The following KCTD16 variants were observed in gnomAD, a reference collection of about 807,000 sequenced individuals.
The protein encoded by KCTD16 is potassium channel tetramerization domain containing 16, also known as BTB/POZ domain-containing protein KCTD16.
A neutral mutation model predicts 33.2 loss-of-function variants in KCTD16; 13 were observed. That is an observed-to-expected ratio of 0.39 (90% CI 0.25 to 0.62). The LOEUF (loss-of-function observed/expected upper bound fraction) is 0.62. KCTD16 is among the 20% of genes least tolerant of loss of function. The pLI is 0.50. For synonymous variants in KCTD16, 197 were observed against 195.3 expected (o/e 1.01, Z -0.07); for missense variants, 441 against 525.1 (o/e 0.84, Z 1.57).
rs73795537 is a variant in KCTD16, at chr5:144,404,712, G to T, written c.833-68948G>T. ...AGAATTTGGGCTCATGGCATGTTGG[G>T]AGTGTTCTATTATGGATCTGACTGT... On this transcript the variant is annotated intron_variant, in intron 3 of 3. Coordinates refer to ENST00000512467, the MANE Select transcript of KCTD16 (RefSeq NM_020768.4). Among the ~76,000 whole-genome samples the T allele has an allele frequency of 1.5e-3, 235 of 152,266 alleles. 1 individual carries two copies. Among genetic ancestry groups the T allele is most frequent in the African/African-American group, 5.3e-3 (220 of 41,550 alleles).
chr5:144,307,322 T>G lies in KCTD16; in HGVS notation c.832+99776T>G, dbSNP rs541344032. On this transcript the variant is annotated intron_variant, in intron 3 of 3. Coordinates refer to ENST00000512467, the MANE Select transcript of KCTD16 (RefSeq NM_020768.4). ...TTGTAACTCCATTAGAGCAGTGGCC[T>G]CGCTCACAGCAGCATTATCATCATT... Among the ~76,000 whole-genome samples the G allele has an allele frequency of 3.9e-5, 6 of 152,338 alleles. No individual in the cohort carries two copies. The South Asian group carries it at 1.2e-3, about 32-fold the overall frequency.
chr5:144,224,672 A>G (rs1169049510), intron 3 of KCTD16, among the ~76,000 whole-genome samples: 2 of 152,190 alleles, frequency 1.3e-5, no homozygotes, highest in Non-Finnish European at 2.9e-5. Context: ...ACCAGATACA[A>G]TGTAGTCAAA....
intron 3 of KCTD16, among the ~76,000 whole-genome samples, chr5:144,314,497 C>G (rs1375211529): frequency 6.6e-6 from 1 of 151,988 alleles, no homozygotes; most frequent in Admixed American, 6.6e-5. Context: ...GTCAGGTAGC[C>G]CAGTAATAAA....
intron 3 of KCTD16, among the ~76,000 whole-genome samples, chr5:144,421,814 T>C (rs983419114): frequency 1.3e-5 from 2 of 152,016 alleles, no homozygotes; most frequent in African/African-American, 4.8e-5. Context: ...ACCCTTAGAA[T>C]CCAGGGAGAA....
chr5:144,246,306 TA>T (rs1754548010), intron 3 of KCTD16, among the ~76,000 whole-genome samples: 1 of 152,144 alleles, frequency 6.6e-6, no homozygotes, highest in Admixed American at 6.6e-5. Context: ...CAGGTAACAT[TA>T]AAAAATTATC....
chr5:144,308,398 G>A (rs1206462852), intron 3 of KCTD16, among the ~76,000 whole-genome samples: 1 of 152,200 alleles, frequency 6.6e-6, no homozygotes, highest in Non-Finnish European at 1.5e-5. Context: ...TTGGCTCAGT[G>A]GGCAGATTCT....
intron 3 of KCTD16, among the ~76,000 whole-genome samples, chr5:144,284,535 G>C (rs920855257): frequency 1.3e-5 from 2 of 152,144 alleles, no homozygotes; most frequent in Non-Finnish European, 2.9e-5. Flanking sequence ...AGTTTTTGTA[G>C]TCATTGATTT....
rs1392742065 is a variant in KCTD16 at position 144,311,602 on chromosome 5, T to A, written c.832+104056T>A. 3.9e-5 allele frequency among the ~76,000 whole-genome samples: 6 copies of A among 152,314 alleles called. No individual in the cohort carries two copies. In the East Asian group the frequency reaches 9.6e-4, roughly 24 times the overall value. ...ATGAAGTCTTTACCTCAAAGAATACTCTGAAGCCATTACAAATTATGTGGT... is the reference window on the plus strand; with the variant it reads ...ATGAAGTCTTTACCTCAAAGAATACACTGAAGCCATTACAAATTATGTGGT... On this transcript the variant is annotated intron_variant, in intron 3 of 3. Transcript: ENST00000512467.
intron 3 of KCTD16, among the ~76,000 whole-genome samples, chr5:144,416,348 G>GA (rs1188634001): frequency 6.6e-6 from 1 of 152,176 alleles, no homozygotes; most frequent in East Asian, 1.9e-4. Flanking sequence ...TTGGAAGATA[G>GA]AAAAGGCAGA....
In KCTD16 at chr5:144,206,806, TC is replaced by T; in HGVS notation, c.93del (p.Gly33ValfsTer11). 1 of 1,614,124 alleles carries T rather than the reference TC, an allele frequency of 6.2e-7. No individual in the cohort carries two copies. The highest frequency in any genetic ancestry group is 8.5e-7 in the Non-Finnish European group (1 of 1,180,000). On this transcript the variant is annotated frameshift_variant, in exon 3 of 4. Transcript: ENST00000512467. LOFTEE classifies it high-confidence loss of function. ...NSFPEVVELNVGGQVYFTRHS... is the reference protein window; with the variant it reads ...NSFPEVVELNXGGQVYFTRHS... ...TTCCCTGAGGTGGTAGAGCTGAATG[TC>T]GGGGGTCAAGTTTATTTTACTCGCC... is the stretch of plus-strand genomic sequence containing the variant.
At chr5:144,466,636 T>A (rs944281701) in intron 3 of KCTD16, among the ~76,000 whole-genome samples, 12 of 152,130 alleles carry the variant, frequency 7.9e-5, no homozygotes, top group Admixed American at 4.6e-4. Context: ...GAATATTGTG[T>A]CCACTAAATA....
At chr5:144,394,606 AG>A (rs1752524289) in intron 3 of KCTD16, among the ~76,000 whole-genome samples, 1 of 152,208 alleles carries the variant, frequency 6.6e-6, no homozygotes, top group South Asian at 2.1e-4. Context: ...CCACATGTCG[AG>A]AGACGGACCC....
intron 3 of KCTD16, among the ~76,000 whole-genome samples, chr5:144,425,738 AG>A (rs1451245879): frequency 1.3e-5 from 2 of 152,064 alleles, no homozygotes; most frequent in African/African-American, 4.8e-5. Context: ...CTGGAATGCA[AG>A]GAACAGAGTC....
At chr5:144,330,494 C>A (rs188184036) in intron 3 of KCTD16, among the ~76,000 whole-genome samples, 1 of 151,138 alleles carries the variant, frequency 6.6e-6, no homozygotes, top group East Asian at 1.9e-4. Flanking sequence ...CAGTATTACC[C>A]ATTCATTCAT....
intron 3 of KCTD16, among the ~76,000 whole-genome samples, chr5:144,332,333 T>C (rs1295945920): frequency 6.6e-6 from 1 of 151,974 alleles, no homozygotes; most frequent in Non-Finnish European, 1.5e-5. Flanking sequence ...GGCCTGGAGA[T>C]TCTGGGTTGC....
At position 144,176,407 on chromosome 5, in the gene KCTD16, T is replaced by C. The variant is rs1239840897; in HGVS notation, c.-327+1935T>C. On this transcript the variant is annotated intron_variant, in intron 2 of 3. Coordinates refer to ENST00000512467, the MANE Select transcript of KCTD16 (RefSeq NM_020768.4). ...TGTTTCTTTTTTTTTTTTTTTTTTT[T>C]TTTTTTGAGACGGAGTCTCGCTCTG... 2.8e-5 allele frequency among the ~76,000 whole-genome samples: 4 copies of C among 145,356 alleles called. No homozygotes were observed. The East Asian group carries it at 5.9e-4, about 21-fold the overall frequency.
intron 3 of KCTD16, among the ~76,000 whole-genome samples, chr5:144,234,066 A>G (rs924522052): frequency 2.6e-5 from 4 of 152,202 alleles, no homozygotes; most frequent in African/African-American, 9.6e-5. Context: ...ATAATCTTCA[A>G]TTACTGTACT....
intron 3 of KCTD16, among the ~76,000 whole-genome samples, chr5:144,283,172 A>G (rs1231560827): frequency 1.3e-5 from 2 of 152,158 alleles, no homozygotes; most frequent in African/African-American, 2.4e-5. Context: ...TACATTAGGT[A>G]TATCTCCTAA....
intron 3 of KCTD16, among the ~76,000 whole-genome samples, chr5:144,225,585 TGTGTGTGTGTGTC>T (rs1384953421): frequency 1.3e-5 from 2 of 151,914 alleles, no homozygotes; most frequent in Admixed American, 6.6e-5. Flanking sequence ...TGTGTGTGTG[TGTGTGTGTGTGTC>T]TTTAAAACTA....
Sources: gnomAD v4.1 joint callset for allele counts (sites outside exome capture counted in the v4.1 genomes callset) on GRCh38, gnomAD v4.1.1 for gene constraint, MANE v1.5 for transcripts, NCBI Gene and HGNC (gene_info 2026-07-23, HGNC 2026-07-21) for gene names.